The following GNA12 variants were observed in gnomAD, a reference collection of about 807,000 sequenced individuals.
GNA12 encodes G protein subunit alpha 12.
GNA12 carries 9 observed loss-of-function variants against 26.0 expected under a neutral mutation model. The ratio of observed to expected loss-of-function variants is 0.35; its 90% CI spans 0.21 to 0.60. The LOEUF is 0.60. Among genes scored for constraint, GNA12 ranks in the 20% least tolerant of loss-of-function variants. The pLI is 0.78. For synonymous variants in GNA12, 264 were observed against 219.6 expected (o/e 1.20, Z -1.79); for missense variants, 405 against 525.8 (o/e 0.77, Z 2.25).
At chr7:2,735,118 CT>C (rs1345093348) in intron 2 of GNA12, among the ~76,000 whole-genome samples, 5 of 152,036 alleles carry the variant, frequency 3.3e-5, no homozygotes, top group East Asian at 1.9e-4. Flanking sequence ...CACTCACTCC[CT>C]GATTTACGAC....
intron 2 of GNA12, chr7:2,763,010 C>A (rs1338039381): frequency 1.6e-6 from 2 of 1,277,670 alleles, no homozygotes; most frequent in East Asian, 3.1e-5. Flanking sequence ...TCGCCAACAG[C>A]CCCGCCGGCC....
chr7:2,836,777 AGCT>A (rs2114979214), intron 1 of GNA12, among the ~76,000 whole-genome samples: 2 of 152,218 alleles, frequency 1.3e-5, no homozygotes, highest in Admixed American at 1.3e-4. Context: ...TACAAAAATT[AGCT>A]GGGCATGGTG....
At chr7:2,735,631 C>G (rs539563823) in intron 2 of GNA12, among the ~76,000 whole-genome samples, 2 of 152,360 alleles carry the variant, frequency 1.3e-5, no homozygotes, top group Non-Finnish European at 2.9e-5. Context: ...ACAGCAAACA[C>G]TCACTGCTGC....
At chr7:2,773,815 T>G (rs1024551346) in intron 2 of GNA12, among the ~76,000 whole-genome samples, 1 of 152,172 alleles carries the variant, frequency 6.6e-6, no homozygotes, top group Non-Finnish European at 1.5e-5. Flanking sequence ...GACAGGTTCT[T>G]GAATACCTAC....
intron 2 of GNA12, among the ~76,000 whole-genome samples, chr7:2,792,604 G>A (rs145331026): frequency 2.0e-5 from 3 of 152,228 alleles, no homozygotes; most frequent in Non-Finnish European, 4.4e-5. Context: ...CTCTGTGAGT[G>A]TATGGGGAAA....
At chr7:2,803,809 AAAAC>A (rs1206820263) in intron 1 of GNA12, among the ~76,000 whole-genome samples, 13 of 151,978 alleles carry the variant, frequency 8.6e-5, no homozygotes, top group African/African-American at 2.9e-4. Context: ...AAAACAAAAC[AAAAC>A]AAACAAACAA....
chr7:2,842,024 G>GAAAA (rs1779004064), intron 1 of GNA12, among the ~76,000 whole-genome samples: 1 of 41,264 alleles, frequency 2.4e-5, no homozygotes, highest in Non-Finnish European at 6.2e-5. Context: ...AGAAAGGAAG[G>GAAAA]GAGGAAGGAA....
chr7:2,783,436 C>T (rs751811315), intron 2 of GNA12, among the ~76,000 whole-genome samples: 20 of 152,008 alleles, frequency 1.3e-4, no homozygotes, highest in Non-Finnish European at 2.4e-4. Context: ...CCTCTTTGTG[C>T]GTATCCTTTC....
intron 1 of GNA12, among the ~76,000 whole-genome samples, chr7:2,842,083 G>GGGAAGGAAA (rs201517448): frequency 1.0e-4 from 9 of 85,990 alleles, no homozygotes; most frequent in South Asian, 2.9e-4. Flanking sequence ...AAAGGAAGGC[G>GGGAAGGAAA]GGAAGGAAAG....
intron 1 of GNA12, among the ~76,000 whole-genome samples, chr7:2,831,116 A>G (rs1046383581): frequency 6.6e-6 from 1 of 151,968 alleles, no homozygotes; most frequent in African/African-American, 2.4e-5. Context: ...ATTACTTTTC[A>G]TGAGGCATCT....
chr7:2,827,237 G>A (rs1380749531), intron 1 of GNA12, among the ~76,000 whole-genome samples: 1 of 152,172 alleles, frequency 6.6e-6, no homozygotes, highest in African/African-American at 2.4e-5. Context: ...GGGAGAAGGA[G>A]GGAATGGGGA....
chr7:2,803,319 T>A (rs767848573), intron 1 of GNA12, among the ~76,000 whole-genome samples: 6 of 151,960 alleles, frequency 3.9e-5, no homozygotes, highest in Non-Finnish European at 5.9e-5. Flanking sequence ...GAAGTCTGTG[T>A]GAGAAAGGGG....
At chr7:2,840,475 A>G (rs897402873) in intron 1 of GNA12, among the ~76,000 whole-genome samples, 3 of 152,234 alleles carry the variant, frequency 2.0e-5, no homozygotes, top group African/African-American at 7.2e-5. Context: ...GAGCCTGTCA[A>G]CACTAACCCT....
At chr7:2,794,580 C>G (rs529335728) in intron 2 of GNA12, 1 of 265,544 alleles carries the variant, frequency 3.8e-6, no homozygotes, top group African/African-American at 2.2e-5. Context: ...ACCCACAGGT[C>G]CAAAGTGGGA....
intron 2 of GNA12, among the ~76,000 whole-genome samples, chr7:2,736,764 A>C (rs798521): frequency 3.9e-5 from 6 of 151,972 alleles, no homozygotes; most frequent in Non-Finnish European, 7.4e-5. Flanking sequence ...GCCGCTCAGA[A>C]CTCCGTCAGC....
intron 2 of GNA12, among the ~76,000 whole-genome samples, chr7:2,736,387 G>C (rs1183825973): frequency 1.3e-5 from 2 of 152,174 alleles, no homozygotes; most frequent in Admixed American, 1.3e-4. Context: ...TAAATGAAAT[G>C]AATTTCATTA....
intron 2 of GNA12, among the ~76,000 whole-genome samples, chr7:2,745,097 A>G (rs1790701489): frequency 6.6e-6 from 1 of 152,260 alleles, no homozygotes; most frequent in African/African-American, 2.4e-5. Context: ...AACACTCTGC[A>G]GGATATTATC....
intron 2 of GNA12, among the ~76,000 whole-genome samples, chr7:2,745,472 G>C (rs932881386): frequency 1.6e-4 from 24 of 152,292 alleles, no homozygotes; most frequent in African/African-American, 5.8e-4. Flanking sequence ...CAAATGCTGA[G>C]AGATTTTGTC....
chr7:2,753,309 A>G (rs1314896619), intron 2 of GNA12, among the ~76,000 whole-genome samples: 1 of 152,148 alleles, frequency 6.6e-6, no homozygotes, highest in Non-Finnish European at 1.5e-5. Context: ...GCATGCCACC[A>G]CGATTGGCTA....
Sources: allele counts gnomAD v4.1 joint callset (sites outside exome capture counted in the v4.1 genomes callset), GRCh38; gene constraint gnomAD v4.1.1; transcripts MANE v1.5; gene names NCBI Gene and HGNC (gene_info 2026-07-23, HGNC 2026-07-21).